The following SLC22A25 variants were observed in gnomAD, a reference collection of about 807,000 sequenced individuals.
SLC22A25 encodes MGI:2442751, MGI:2385316, MGI:3042283, MGI:3645714, MGI:3605624, MGI:2442750.
In SLC22A25, 44 loss-of-function variants were observed where a neutral mutation model predicts 45.9. The observed-to-expected ratio is 0.96, with a 90% CI of 0.75 to 1.23. The LOEUF is 1.23. SLC22A25 is among the 50% of genes most tolerant of loss of function. The pLI is 0.00. For synonymous variants in SLC22A25, 283 were observed against 238.6 expected, an observed-to-expected ratio of 1.19 and a Z score of -1.72; for missense variants, 800 against 666.4, an observed-to-expected ratio of 1.20 and a Z score of -2.21.
At chr11:63,214,459 C>T (rs2089658909) in intron 7 of SLC22A25, among the ~76,000 whole-genome samples, 1 of 152,234 alleles carries the variant, frequency 6.6e-6, no homozygotes, top group African/African-American at 2.4e-5. Flanking sequence ...TGTAAGAAAA[C>T]CCAATTCCCC....
chr11:63,210,768 G>T (rs1420265104), intron 7 of SLC22A25, among the ~76,000 whole-genome samples: 12 of 152,148 alleles, frequency 7.9e-5, no homozygotes, highest in Non-Finnish European at 1.2e-4. Flanking sequence ...GAAGAACTGT[G>T]CTACTATCGT....
In SLC22A25 at chr11:63,166,632, C is replaced by A. The variant is rs1427544427; in HGVS notation, c.1071-374G>T. 4.0e-6 allele frequency: 4 copies of A among 1,008,896 alleles called. No homozygotes were observed. The East Asian group carries it at 4.0e-4, about 100-fold the overall frequency. The allele number at this position is 1,008,896 out of a possible 1,614,324, so 62.5% of individuals were successfully genotyped here. On this transcript the variant is annotated intron_variant, in intron 9 of 11. Transcript: ENST00000306494. ...ATTAAAAATAAAAATGTACTGATGTCAGTCAAACTCACAGTAAAGATCTAA... is the reference window on the plus strand; with the variant it reads ...ATTAAAAATAAAAATGTACTGATGTAAGTCAAACTCACAGTAAAGATCTAA...
chr11:63,222,158 C>T (rs2089867906), intron 5 of SLC22A25, among the ~76,000 whole-genome samples: 2 of 152,080 alleles, frequency 1.3e-5, no homozygotes, highest in Non-Finnish European at 2.9e-5. Context: ...TTTTCTACAT[C>T]TGAGAATAAT....
At chr11:63,229,006 C>A (rs1174301378) in intron 4 of SLC22A25, among the ~76,000 whole-genome samples, 2 of 152,174 alleles carry the variant, frequency 1.3e-5, no homozygotes, top group African/African-American at 2.4e-5. Flanking sequence ...TTCATAAATG[C>A]TTGCTTAAAT....
rs1197195374 is a variant in SLC22A25 at position 63,162,454 on chromosome 11, G to A, written c.*1370C>T. On this transcript the variant is annotated 3_prime_UTR_variant, in exon 12 of 12. Coordinates refer to ENST00000306494, the MANE Select transcript of SLC22A25 (RefSeq NM_199352.6). The stretch of plus-strand genomic sequence containing the variant: ...GATTTGATTTTTGTATATGGTGAGA[G>A]AGTTCTAGTTTTATTCTTCTGCATA... Among the ~76,000 whole-genome samples, 1 of 151,994 alleles carries A rather than the reference G, an allele frequency of 6.6e-6. No individual in the cohort carries two copies. Among genetic ancestry groups the A allele is most frequent in the East Asian group, 1.9e-4 (1 of 5,190 alleles).
rs768427059 is a variant in SLC22A25 at position 63,163,790 on chromosome 11, C to A, written c.*34G>T. ...TCTAAGCCTTTTTGGGGGATGGTAG[C>A]CCTAAATGGTGTTTTGCTTTCCTCA... On this transcript the variant is annotated 3_prime_UTR_variant, in exon 12 of 12. Coordinates refer to ENST00000306494, the MANE Select transcript of SLC22A25 (RefSeq NM_199352.6). The A allele has an allele frequency of 1.4e-5, 22 of 1,576,116 alleles. No individual in the cohort carries two copies. Among genetic ancestry groups the A allele is most frequent in the South Asian group, 3.6e-5 (3 of 84,252 alleles).
chr11:63,190,349 C>CT (rs2088757776), intron 7 of SLC22A25, among the ~76,000 whole-genome samples: 2 of 152,142 alleles, frequency 1.3e-5, no homozygotes, highest in African/African-American at 4.8e-5. Context: ...GCTACTGAGG[C>CT]TTGTGCATTC....
chr11:63,190,698 A>T (rs1302980888), intron 7 of SLC22A25, among the ~76,000 whole-genome samples: 1 of 151,724 alleles, frequency 6.6e-6, no homozygotes, highest in Non-Finnish European at 1.5e-5. Context: ...TTGCTCTTTG[A>T]TGATGGTGAC....
chr11:63,206,988 C>T (rs770278464), intron 7 of SLC22A25, among the ~76,000 whole-genome samples: 3 of 152,166 alleles, frequency 2.0e-5, no homozygotes, highest in Non-Finnish European at 4.4e-5. Flanking sequence ...ACATCCACAA[C>T]CATCTGATCT....
chr11:63,164,030 C>G lies in SLC22A25; in HGVS notation c.1438G>C (p.Gly480Arg). 1 of 1,611,212 alleles carries G rather than the reference C, an allele frequency of 6.2e-7. No individual in the cohort carries two copies. Among genetic ancestry groups the G allele is most frequent in the Non-Finnish European group, 8.5e-7 (1 of 1,178,650 alleles). Residue 480 changes from glycine (G) to arginine (R), a missense_variant, in exon 12 of 12, where the codon GGA (glycine) becomes CGA (arginine). By Grantham distance (125) the Gly-to-Arg change is moderately radical. Transcript: ENST00000306494. Reference sequence around the variant, plus strand: ...ATCATCATGAGGGAAGCCAGGGCTCCCCCAATATTAGCAAAGTTTCCAGTG... The same window carrying G: ...ATCATCATGAGGGAAGCCAGGGCTCGCCCAATATTAGCAAAGTTTCCAGTG... ...GITGNFANIG[G>R]ALASLMMILS...
At chr11:63,234,914 T>A (rs61930187) in intron 3 of SLC22A25, among the ~76,000 whole-genome samples, 1 of 152,204 alleles carries the variant, frequency 6.6e-6, no homozygotes, top group South Asian at 2.1e-4. Flanking sequence ...TTTGGCTGGA[T>A]ATGAAATTCT....
At chr11:63,238,254 C>G (rs1309208104) in intron 2 of SLC22A25, among the ~76,000 whole-genome samples, 2 of 152,196 alleles carry the variant, frequency 1.3e-5, no homozygotes, top group African/African-American at 2.4e-5. Flanking sequence ...TTGCTCCATA[C>G]TAAGTGTGGT....
chr11:63,193,460 ATTTGCTGTTCTGCAATG>A (rs2088887706), intron 7 of SLC22A25, among the ~76,000 whole-genome samples: 1 of 152,212 alleles, frequency 6.6e-6, no homozygotes, highest in Non-Finnish European at 1.5e-5. Flanking sequence ...AGGAAGCAAC[ATTTGCTGTTCTGCAATG>A]TTTGCTGTTC....
At position 63,166,065 on chromosome 11, in the gene SLC22A25, C is replaced by A; in HGVS notation, c.1264G>T (p.Ala422Ser). ...TCACCTTGAGGCACAAATATGATGG[C>A]CAGAAGGCAGGTTGCCAGTAGGAAC... The part of the protein sequence containing the change: ...LMFLLATCLL[A>S]IIFVPQEMQT... The change falls in exon 10 of 12, where the codon GCC becomes TCC. Residue 422 changes from alanine to serine, a missense_variant. By Grantham distance (99) the Ala-to-Ser change is moderately conservative. Transcript: ENST00000306494. 1.9e-6 allele frequency: 3 copies of A among 1,613,910 alleles called. No individual in the cohort carries two copies. The highest frequency in any genetic ancestry group is 2.5e-6 in the Non-Finnish European group (3 of 1,179,904).
At position 63,200,154 on chromosome 11, in the gene SLC22A25, A is replaced by G. The variant is rs114107251; in HGVS notation, c.831-16337T>C. Among the ~76,000 whole-genome samples the G allele has an allele frequency of 8.1e-3, 1,237 of 151,986 alleles. 14 individuals carry two copies. Among genetic ancestry groups the G allele is most frequent in the African/African-American group, 0.027 (1,126 of 41,450 alleles). ...TAGAAACTCCTCCCTAACTCATTCT[A>G]TGAGGGCAGCATCATCCTGACGCCA... On this transcript the variant is annotated intron_variant, in intron 7 of 11. Transcript: ENST00000306494.
intron 5 of SLC22A25, chr11:63,219,963 G>T (rs963009260): frequency 7.8e-7 from 1 of 1,289,274 alleles, no homozygotes; most frequent in South Asian, 1.2e-5. Flanking sequence ...ATGGCAATGG[G>T]CACCTCAAGT....
intron 7 of SLC22A25, among the ~76,000 whole-genome samples, chr11:63,207,150 T>C (rs914697462): frequency 1.3e-5 from 2 of 152,152 alleles, no homozygotes; most frequent in African/African-American, 4.8e-5. Context: ...ATGTAAGACC[T>C]AAAGGCATAA....
chr11:63,166,631 T>C, intron 9 of SLC22A25: 6 of 1,008,882 alleles, frequency 5.9e-6, no homozygotes, highest in Non-Finnish European at 7.1e-6. Context: ...TGTACTGATG[T>C]CAGTCAAACT....
intron 3 of SLC22A25, among the ~76,000 whole-genome samples, chr11:63,232,983 C>A (rs2090097528): frequency 6.6e-6 from 1 of 152,094 alleles, no homozygotes; most frequent in Non-Finnish European, 1.5e-5. Flanking sequence ...AGGGATGAAG[C>A]CCACTTGATC....
Sources: allele counts gnomAD v4.1 joint callset (sites outside exome capture counted in the v4.1 genomes callset), GRCh38; gene constraint gnomAD v4.1.1; transcripts MANE v1.5; gene names NCBI Gene and HGNC (gene_info 2026-07-23, HGNC 2026-07-21).